The following GXYLT1 variants were observed in gnomAD, a reference collection of about 807,000 sequenced individuals.
GXYLT1 encodes the protein glucoside xylosyltransferase 1.
Under a neutral mutation model 54.0 loss-of-function variants are expected in GXYLT1, and 29 were observed. The ratio of observed to expected loss-of-function variants is 0.54; its 90% confidence interval spans 0.40 to 0.73. GXYLT1 has a LOEUF of 0.73. GXYLT1 is among the 30% of genes least tolerant of loss of function. GXYLT1 has a pLI of 0.00. For synonymous variants in GXYLT1, 176 were observed against 204.1 expected (o/e 0.86, Z 1.17); for missense variants, 490 against 553.4 (o/e 0.89, Z 1.15).
chr12:42,131,473 T>C (rs1034531850), intron 1 of GXYLT1, among the ~76,000 whole-genome samples: 1 of 152,244 alleles, frequency 6.6e-6, no homozygotes. Flanking sequence ...GGTCTGGCAC[T>C]GGTGGTTTTT....
At chr12:42,098,760 C>CACATATATATATATATATATATATAT (rs1555139376) in intron 5 of GXYLT1, among the ~76,000 whole-genome samples, 1 of 96,918 alleles carries the variant, frequency 1.0e-5, no homozygotes, top group Non-Finnish European at 2.0e-5. Context: ...AAATTTAAAA[C>CACATATATATATATATATATATATAT]ATATATATAT....
intron 3 of GXYLT1, among the ~76,000 whole-genome samples, chr12:42,111,844 T>A (rs1000259356): frequency 6.6e-6 from 1 of 152,152 alleles, no homozygotes; most frequent in African/African-American, 2.4e-5. Context: ...CCTCCTCAAG[T>A]GGGGTCCCTG....
chr12:42,114,715 G>C (rs1001047484), intron 3 of GXYLT1, among the ~76,000 whole-genome samples: 6 of 152,148 alleles, frequency 3.9e-5, no homozygotes, highest in African/African-American at 1.4e-4. Flanking sequence ...AGAGGAGCTG[G>C]TACCATTCCT....
Position 42,136,807 on chromosome 12 carries a change from C to CA in GXYLT1, c.222-6957dup. Among the ~76,000 whole-genome samples, 3 of 152,066 alleles carry CA rather than the reference C, an allele frequency of 2.0e-5. No individual in the cohort carries two copies. The East Asian group carries it at 5.8e-4, about 29-fold the overall frequency. ...ACATACAAACAAACACACACACACACAAGTCGCCCAGGCTGGAGTTCAGTG... is the reference window on the plus strand; with the variant it reads ...ACATACAAACAAACACACACACACACAAAGTCGCCCAGGCTGGAGTTCAGTG... On this transcript the variant is annotated intron_variant, in intron 1 of 7. Coordinates refer to ENST00000398675, the MANE Select transcript of GXYLT1 (RefSeq NM_173601.2).
chr12:42,139,403 T>G (rs1368125167), intron 1 of GXYLT1, among the ~76,000 whole-genome samples: 1 of 152,102 alleles, frequency 6.6e-6, no homozygotes, highest in Non-Finnish European at 1.5e-5. Flanking sequence ...ACTAACATGA[T>G]GTTAGGAGGT....
At position 42,089,945 on chromosome 12, in the gene GXYLT1, A is replaced by G. The variant is rs569187257; in HGVS notation, c.1162-1998T>C. 3.3e-5 allele frequency among the ~76,000 whole-genome samples: 5 copies of G among 152,380 alleles called. No homozygotes were observed. In the South Asian group the frequency reaches 1.0e-3, roughly 32 times the overall value. ...AGTGGCAGAAAATTATGGGAAGCCC[A>G]AACTACTATGATCATTATTTTTACT... is the stretch of plus-strand genomic sequence containing the variant. On this transcript the variant is annotated intron_variant, in intron 7 of 7. Coordinates refer to ENST00000398675, the MANE Select transcript of GXYLT1 (RefSeq NM_173601.2).
At chr12:42,122,649 G>C (rs2136909036) in intron 2 of GXYLT1, among the ~76,000 whole-genome samples, 1 of 152,246 alleles carries the variant, frequency 6.6e-6, no homozygotes, top group Middle Eastern at 3.4e-3. Flanking sequence ...GGGGTAAGAA[G>C]AGGGAACTCT....
At chr12:42,114,934 G>C (rs1403277250) in intron 3 of GXYLT1, among the ~76,000 whole-genome samples, 1 of 152,156 alleles carries the variant, frequency 6.6e-6, no homozygotes, top group Non-Finnish European at 1.5e-5. Context: ...TATCCACCAT[G>C]ATCAAGTGGG....
At chr12:42,118,282 A>G (rs2065508990) in intron 3 of GXYLT1, among the ~76,000 whole-genome samples, 1 of 152,350 alleles carries the variant, frequency 6.6e-6, no homozygotes, top group East Asian at 1.9e-4. Context: ...AAACAGGATT[A>G]AAACCTTTAT....
At chr12:42,109,523 T>TAAAA (rs201861073) in intron 4 of GXYLT1, 43 bp downstream of exon 4, 20 of 1,131,670 alleles carry the variant, frequency 1.8e-5, no homozygotes, top group Admixed American at 4.7e-5. Flanking sequence ...GGTTCAAATT[T>TAAAA]AAAAAAAAAA....
At chr12:42,089,505 A>C (rs1441002162) in intron 7 of GXYLT1, among the ~76,000 whole-genome samples, 2 of 152,228 alleles carry the variant, frequency 1.3e-5, no homozygotes, top group Non-Finnish European at 2.9e-5. Flanking sequence ...TATACATATA[A>C]AAGAGTTGTA....
chr12:42,103,646 A>C (rs1273457379), intron 5 of GXYLT1, among the ~76,000 whole-genome samples: 1 of 152,214 alleles, frequency 6.6e-6, no homozygotes, highest in East Asian at 1.9e-4. Flanking sequence ...AAGTATAATA[A>C]AATATTTGAA....
intron 7 of GXYLT1, among the ~76,000 whole-genome samples, chr12:42,095,200 G>A (rs1230929260): frequency 1.3e-5 from 2 of 152,050 alleles, no homozygotes; most frequent in African/African-American, 2.4e-5. Flanking sequence ...TCATTGGCAG[G>A]AATACAAACA....
At chr12:42,127,508 A>T (rs1199455228) in intron 2 of GXYLT1, among the ~76,000 whole-genome samples, 1 of 152,208 alleles carries the variant, frequency 6.6e-6, no homozygotes, top group Non-Finnish European at 1.5e-5. Flanking sequence ...TATTCCACGG[A>T]ATACTTGGGA....
chr12:42,138,677 C>T (rs1181450774), intron 1 of GXYLT1, among the ~76,000 whole-genome samples: 2 of 152,104 alleles, frequency 1.3e-5, no homozygotes, highest in Non-Finnish European at 2.9e-5. Context: ...TAAGTTTATA[C>T]GTAGGGGAAG....
At chr12:42,126,579 T>C (rs1248424810) in intron 2 of GXYLT1, among the ~76,000 whole-genome samples, 1 of 152,094 alleles carries the variant, frequency 6.6e-6, no homozygotes, top group East Asian at 1.9e-4. Flanking sequence ...CACTGAAAAG[T>C]ATTAAAATTT....
rs751599245 is a variant in GXYLT1, at chr12:42,109,520, AT to A, written c.612+45del. The A allele has an allele frequency of 8.9e-4, 1,187 of 1,337,616 alleles. 3 individuals carry two copies. In the East Asian group the frequency reaches 0.015, roughly 17 times the overall value. The allele number at this position is 1,337,616 out of a possible 1,614,324, so 82.9% of individuals were successfully genotyped here. ...ACTCATGTGTAAAAGTAAGGTTCAA[AT>A]TTAAAAAAAAAAAAAAAAAAAAGAC... On this transcript the variant is annotated intron_variant, in intron 4 of 7. Transcript: ENST00000398675.
At chr12:42,121,762 C>A (rs2065532904) in intron 2 of GXYLT1, among the ~76,000 whole-genome samples, 1 of 151,994 alleles carries the variant, frequency 6.6e-6, no homozygotes, top group Non-Finnish European at 1.5e-5. Context: ...CCAATTTCTA[C>A]AGGAGTACTG....
At chr12:42,115,041 C>T (rs1322853538) in intron 3 of GXYLT1, among the ~76,000 whole-genome samples, 2 of 152,204 alleles carry the variant, frequency 1.3e-5, no homozygotes, top group East Asian at 3.8e-4. Context: ...ACATGATTAT[C>T]TCAATAGATG....
Sources: allele counts gnomAD v4.1 joint callset (sites outside exome capture counted in the v4.1 genomes callset), GRCh38; gene constraint gnomAD v4.1.1; transcripts MANE v1.5; gene names NCBI Gene and HGNC (gene_info 2026-07-23, HGNC 2026-07-21).